The following ATP10B variants were observed in gnomAD, a reference collection of about 807,000 sequenced individuals.
ATP10B encodes the protein ATPase phospholipid transporting 10B (putative), also known as phospholipid-transporting ATPase VB.
ATP10B carries 122 observed loss-of-function variants against 141.2 expected under a neutral mutation model. The observed-to-expected ratio is 0.86, with a 90% CI of 0.75 to 1.00. ATP10B has a LOEUF of 1.00. ATP10B is among the 50% of genes least tolerant of loss of function. The pLI, the probability that ATP10B is intolerant of heterozygous loss-of-function variation, is 0.00. For synonymous variants in ATP10B, 685 were observed against 692.0 expected, an observed-to-expected ratio of 0.99 and a Z score of 0.16; for missense variants, 1,876 against 1,825.3, an observed-to-expected ratio of 1.03 and a Z score of -0.51.
chr5:160,870,641 T>A, the ATP10B span, among the ~76,000 whole-genome samples: 1 of 151,746 alleles, frequency 6.6e-6, no homozygotes, highest in African/African-American at 2.4e-5. Context: ...GATCAGAGAA[T>A]GAAATAAATG....
chr5:160,745,493 GGCATTT>G (rs1767750563), intron 2 of ATP10B, among the ~76,000 whole-genome samples: 1 of 152,138 alleles, frequency 6.6e-6, no homozygotes, highest in South Asian at 2.1e-4. Flanking sequence ...CAATCCTCCA[GGCATTT>G]GCATTCATCC....
intron 1 of ATP10B, among the ~76,000 whole-genome samples, chr5:160,830,832 G>C (rs898340063): frequency 6.6e-6 from 1 of 151,986 alleles, no homozygotes; most frequent in Non-Finnish European, 1.5e-5. Flanking sequence ...GCTTGTGCTG[G>C]CCTTCAACCT....
intron 2 of ATP10B, among the ~76,000 whole-genome samples, chr5:160,760,908 C>T (rs139132322): frequency 3.9e-4 from 59 of 152,234 alleles, no homozygotes; most frequent in African/African-American, 9.4e-4. Context: ...CTACCCTCCC[C>T]GAAACTGATG....
intron 1 of ATP10B, among the ~76,000 whole-genome samples, chr5:160,847,508 G>T (rs57979743): frequency 0.013 from 1,909 of 152,242 alleles, 40 homozygotes; most frequent in African/African-American, 0.044. Context: ...TACTGAGAGG[G>T]AAAACTCCAT....
At chr5:160,651,189 C>G (rs1419167074) in intron 7 of ATP10B, among the ~76,000 whole-genome samples, 1 of 152,124 alleles carries the variant, frequency 6.6e-6, no homozygotes, top group Non-Finnish European at 1.5e-5. Context: ...AAAGAAGGCT[C>G]CCCATGGTCA....
At chr5:160,878,259 C>T in the ATP10B span, among the ~76,000 whole-genome samples, 5 of 151,374 alleles carry the variant, frequency 3.3e-5, no homozygotes, top group South Asian at 1.1e-3. Flanking sequence ...CTTTGACAAA[C>T]CTGAGAAAAA....
At chr5:160,744,434 G>C (rs575746009) in intron 2 of ATP10B, among the ~76,000 whole-genome samples, 1 of 152,304 alleles carries the variant, frequency 6.6e-6, no homozygotes, top group South Asian at 2.1e-4. Context: ...CTCTGACTGA[G>C]TTCCCAGAGC....
At position 160,604,008 on chromosome 5, in the gene ATP10B, G is replaced by T; in HGVS notation, c.3194C>A (p.Ala1065Asp). Residue 1065 changes from alanine to aspartate, a missense_variant, in exon 20 of 26, where the codon GCT becomes GAT. Ala to Asp is a moderately radical substitution (Grantham distance 126). Transcript: ENST00000327245. ...AGATATTCCAATTCCAATATCAGCA[G>T]CTTGAATCATGCTTACATCATTTGC... is the stretch of plus-strand genomic sequence containing the variant. ...DGANDVSMIQ[A>D]ADIGIGISGQ... is the part of the protein sequence containing the mutation. The T allele has an allele frequency of 6.2e-7, 1 of 1,613,914 alleles. No homozygotes were observed. Among genetic ancestry groups the T allele is most frequent in the South Asian group, 1.1e-5 (1 of 91,074 alleles).
intron 1 of ATP10B, among the ~76,000 whole-genome samples, chr5:160,844,435 TTC>T (rs1485957194): frequency 6.6e-6 from 1 of 152,196 alleles, no homozygotes; most frequent in Non-Finnish European, 1.5e-5. Context: ...TTCTCAAACT[TTC>T]TTAGCTCCCT....
chr5:160,569,680 T>C lies in ATP10B; in HGVS notation c.3754A>G (p.Ile1252Val). The stretch of plus-strand genomic sequence containing the variant: ...CCGAGGAGCACGACTCCGTGGAAAA[T>C]GGTCTGTGGAGGGAAATAAGCAAAC... ...HQAMEMKTWT[I>V]FHGVVLLGSF... Residue 1252 changes from isoleucine to valine, a missense_variant, in exon 25 of 26, where the codon ATT (isoleucine) becomes GTT (valine). Transcript: ENST00000327245. 1 of 1,565,016 alleles carries C rather than the reference T, an allele frequency of 6.4e-7. No homozygotes were observed. The highest frequency in any genetic ancestry group is 8.6e-7 in the Non-Finnish European group (1 of 1,157,134).
the ATP10B span, among the ~76,000 whole-genome samples, chr5:160,928,996 G>T: frequency 6.6e-6 from 1 of 152,184 alleles, no homozygotes; most frequent in East Asian, 1.9e-4. Context: ...TATGCCCTGG[G>T]CAAAGAGCTT....
chr5:160,817,031 C>T (rs1269502974), intron 1 of ATP10B, among the ~76,000 whole-genome samples: 1 of 152,142 alleles, frequency 6.6e-6, no homozygotes, highest in Non-Finnish European at 1.5e-5. Context: ...CTATGACAAA[C>T]CCACAGCCAA....
At chr5:160,885,556 C>T in the ATP10B span, among the ~76,000 whole-genome samples, 2 of 152,084 alleles carry the variant, frequency 1.3e-5, no homozygotes, top group African/African-American at 4.8e-5. Context: ...GTCTTTGTTG[C>T]TGATGGAAAG....
chr5:160,636,841 C>T (rs1289069126), intron 10 of ATP10B, among the ~76,000 whole-genome samples: 5 of 151,720 alleles, frequency 3.3e-5, no homozygotes, highest in African/African-American at 1.2e-4. Context: ...TTCTTCCATC[C>T]ACCCACTCAT....
At chr5:160,610,858 T>C (rs1053826656) in intron 18 of ATP10B, among the ~76,000 whole-genome samples, 1 of 152,200 alleles carries the variant, frequency 6.6e-6, no homozygotes, top group Non-Finnish European at 1.5e-5. Flanking sequence ...AGTAATTCTC[T>C]CATCTTCCGG....
chr5:160,871,260 G>A, the ATP10B span, among the ~76,000 whole-genome samples: 1 of 152,070 alleles, frequency 6.6e-6, no homozygotes, highest in Non-Finnish European at 1.5e-5. Context: ...TTATATATAA[G>A]TGAAAAGAAT....
the ATP10B span, among the ~76,000 whole-genome samples, chr5:160,861,066 A>T: frequency 6.6e-6 from 1 of 151,942 alleles, no homozygotes; most frequent in Non-Finnish European, 1.5e-5. Flanking sequence ...TTAGGATGAC[A>T]CTATATAATA....
intron 6 of ATP10B, chr5:160,685,125 C>A (rs1391466099): frequency 2.8e-6 from 2 of 701,942 alleles, no homozygotes. Flanking sequence ...TGTTGGGGTT[C>A]TCTTTGTGAG....
rs1476260938 is a variant in ATP10B, at chr5:160,716,999, G to T, written c.-295C>A. 76 of 985,282 alleles carry T rather than the reference G, an allele frequency of 7.7e-5. No individual in the cohort carries two copies. The highest frequency in any genetic ancestry group is 9.2e-5 in the Non-Finnish European group (76 of 829,920). The allele number at this position is 985,282 out of a possible 1,614,324, so 61.0% of individuals were successfully genotyped here. On this transcript the variant is annotated 5_prime_UTR_variant, in exon 3 of 26. Coordinates refer to ENST00000327245, the MANE Select transcript of ATP10B (RefSeq NM_025153.3). ...AAGAGGGGGCAGATGTAGTACTTTA[G>T]CTGGGCAAATTGTTGATCAGAATAA...
Sources: gnomAD v4.1 joint callset for allele counts (sites outside exome capture counted in the v4.1 genomes callset) on GRCh38, gnomAD v4.1.1 for gene constraint, MANE v1.5 for transcripts, NCBI Gene and HGNC (gene_info 2026-07-23, HGNC 2026-07-21) for gene names.